PLAGL2: variants seen among roughly 807,000 people sequenced by gnomAD.
PLAGL2 encodes the protein zinc finger protein PLAGL2.
In PLAGL2, 7 loss-of-function variants were observed where a neutral mutation model predicts 29.0. The ratio of observed to expected loss-of-function variants is 0.24; its 90% CI spans 0.14 to 0.45. The LOEUF is 0.45. Among genes scored for constraint, PLAGL2 ranks in the 20% least tolerant of loss-of-function variants. PLAGL2 has a pLI of 0.99. For synonymous variants in PLAGL2, 234 were observed against 266.0 expected, an observed-to-expected ratio of 0.88 and a Z score of 1.17; for missense variants, 454 against 648.2, an observed-to-expected ratio of 0.70 and a Z score of 3.25.
chr20:32,197,405 G>A lies in PLAGL2; in HGVS notation c.538C>T (p.Arg180Cys), dbSNP rs1281936567. 2.5e-6 allele frequency: 4 copies of A among 1,611,982 alleles called. No individual in the cohort carries two copies. Among genetic ancestry groups the A allele is most frequent in the East Asian group, 2.2e-5 (1 of 44,884 alleles). Residue 180 changes from arginine (R) to cysteine (C), a missense_variant, in exon 3 of 3, where the codon CGC becomes TGC. By Grantham distance (180) the Arg-to-Cys change is radical (BLOSUM62 -3). This residue lies in a region of PLAGL2 where 111 missense variants were observed against 173.1 expected (regional missense o/e 0.64). Coordinates refer to ENST00000246229, the MANE Select transcript of PLAGL2 (RefSeq NM_002657.3). The surrounding 1 kb of genome is among the most constrained non-coding windows in gnomAD (Gnocchi z 6.6). The part of the protein sequence containing the change: ...ALLEHLKAHS[R>C]RVAGGAKEKK... ...TCCTTGGCACCGCCTGCTACCCGGC[G>A]TGAGTGGGCCTTCAGGTGCTCTAGC... is the stretch of plus-strand genomic sequence containing the variant.
At position 32,197,171 on chromosome 20, in the gene PLAGL2, C is replaced by T. The variant is rs761303342; in HGVS notation, c.772G>A (p.Gly258Ser). ...KIKTEPVDML[G>S]LLSCSSTVSV... ...ACTGTGGAGCTGCAGCTGAGTAGGC[C>T]TAACATGTCCACGGGCTCTGTCTTG... The change falls in exon 3 of 3, where the codon GGC (glycine) becomes AGC (serine). Residue 258 changes from glycine to serine, a missense_variant. By Grantham distance (56) the Gly-to-Ser change is moderately conservative. This residue lies in a region of PLAGL2 where 247 missense variants were observed against 350.3 expected (regional missense o/e 0.71). Coordinates refer to ENST00000246229, the MANE Select transcript of PLAGL2 (RefSeq NM_002657.3). This position sits in a 1 kb window ranked among gnomAD's most constrained non-coding sequence, Gnocchi z 6.6. The T allele has an allele frequency of 6.2e-7, 1 of 1,614,224 alleles. No homozygotes were observed. Among genetic ancestry groups the T allele is most frequent in the East Asian group, 2.2e-5 (1 of 44,884 alleles).
Position 32,196,987 on chromosome 20 carries a change from A to G in PLAGL2, c.956T>C (p.Leu319Pro), listed in dbSNP as rs1241964437. Residue 319 changes from leucine (L) to proline (P), a missense_variant, in exon 3 of 3, where the codon CTG becomes CCG. Coordinates refer to ENST00000246229, the MANE Select transcript of PLAGL2 (RefSeq NM_002657.3). ...CAGAGGGTAGCTCATACCCATGGGCAGCGTGTTGTGCACCAGGGAGTGTGG... is the reference window on the plus strand; with the variant it reads ...CAGAGGGTAGCTCATACCCATGGGCGGCGTGTTGTGCACCAGGGAGTGTGG... ...GVPHSLVHNT[L>P]PMGMSYPLES... The G allele has an allele frequency of 6.8e-6, 11 of 1,614,122 alleles. No individual in the cohort carries two copies. The African/African-American group carries it at 1.2e-4, about 18-fold the overall frequency.
At chr20:32,206,665 G>A (rs779317224) in intron 1 of PLAGL2, among the ~76,000 whole-genome samples, 3 of 152,222 alleles carry the variant, frequency 2.0e-5, no homozygotes, top group Non-Finnish European at 4.4e-5. Context: ...TAAGCTTGCA[G>A]GTGAAAGCAC....
At chr20:32,204,693 T>A (rs1028208211) in intron 1 of PLAGL2, among the ~76,000 whole-genome samples, 7 of 152,202 alleles carry the variant, frequency 4.6e-5, no homozygotes, top group African/African-American at 1.4e-4. Flanking sequence ...GCCCTTTGTC[T>A]GAAAACTCCT....
intron 2 of PLAGL2, among the ~76,000 whole-genome samples, chr20:32,198,665 G>C (rs1425332759): frequency 2.0e-5 from 3 of 152,108 alleles, no homozygotes; most frequent in Admixed American, 6.5e-5. Context: ...TCCTTATCTA[G>C]AACAAATTTC....
At position 32,197,008 on chromosome 20, in the gene PLAGL2, T is replaced by A; in HGVS notation, c.935A>T (p.His312Leu). ...IPTMPSTGVPHSLVHNTLPMG... is the reference protein window; with the variant it reads ...IPTMPSTGVPLSLVHNTLPMG... ...GGGCAGCGTGTTGTGCACCAGGGAG[T>A]GTGGCACGCCCGTGCTGGGCATGGT... is the stretch of plus-strand genomic sequence containing the variant. Residue 312 changes from histidine to leucine, a missense_variant, in exon 3 of 3, where the codon CAC (histidine) becomes CTC (leucine). His to Leu is a moderately conservative substitution (Grantham distance 99). Coordinates refer to ENST00000246229, the MANE Select transcript of PLAGL2 (RefSeq NM_002657.3). This position sits in a 1 kb window ranked among gnomAD's most constrained non-coding sequence, Gnocchi z 6.6. The A allele has an allele frequency of 6.2e-7, 1 of 1,613,882 alleles. No individual in the cohort carries two copies. The highest frequency in any genetic ancestry group is 8.5e-7 in the Non-Finnish European group (1 of 1,179,944).
At chr20:32,204,314 G>A (rs192114597) in intron 1 of PLAGL2, among the ~76,000 whole-genome samples, 19 of 152,280 alleles carry the variant, frequency 1.2e-4, no homozygotes, top group Non-Finnish European at 2.6e-4. Context: ...AACTCAGAAA[G>A]AGAACATTAC....
rs1203137534 is a variant in PLAGL2 at position 32,193,372 on chromosome 20, T to C, written c.*3080A>G. 1 of 152,168 alleles carries C rather than the reference T, an allele frequency of 6.6e-6. No homozygotes were observed. Among genetic ancestry groups the C allele is most frequent in the African/African-American group, 2.4e-5 (1 of 41,436 alleles). 9.4% of individuals were successfully genotyped at this position (152,168 alleles called of 1,614,324 possible). A position where few individuals can be genotyped will look rare whatever the true frequency, so the allele number is the denominator to read the frequency against. ...GATTTTCAATTAAGAAAATGCCATT[T>C]GTAAAAGGTTGGGCGGTGGGCTGGA... On this transcript the variant is annotated 3_prime_UTR_variant, in exon 3 of 3. Coordinates refer to ENST00000246229, the MANE Select transcript of PLAGL2 (RefSeq NM_002657.3).
Position 32,197,298 on chromosome 20 carries a change from G to A in PLAGL2, c.645C>T (p.Gly215=), listed in dbSNP as rs763214804. 16 of 1,610,174 alleles carry A rather than the reference G, an allele frequency of 9.9e-6. No individual in the cohort carries two copies. The South Asian group carries it at 1.7e-4, about 17-fold the overall frequency. The part of the protein sequence containing the change: ...DVRRHLVVHT[G]RKDFLCQYCA... The stretch of plus-strand genomic sequence containing the variant: ...AGTACTGGCACAGGAAGTCCTTACG[G>A]CCTGTGTGCACCACTAGGTGCCGCC... Residue 215 remains glycine (G), a synonymous_variant, in exon 3 of 3, where the codon GGC becomes GGT. Coordinates refer to ENST00000246229, the MANE Select transcript of PLAGL2 (RefSeq NM_002657.3). This position sits in a 1 kb window ranked among gnomAD's most constrained non-coding sequence, Gnocchi z 6.6.
rs1193297526 is a variant in PLAGL2 at position 32,196,335 on chromosome 20, A to AT, written c.*116dup. On this transcript the variant is annotated 3_prime_UTR_variant, in exon 3 of 3. Coordinates refer to ENST00000246229, the MANE Select transcript of PLAGL2 (RefSeq NM_002657.3). ...AGTGCTCCTGTATACAGACACTGGAATTTTTTTTTTTGAACCCAGCTCTGA... is the reference window on the plus strand; with the variant it reads ...AGTGCTCCTGTATACAGACACTGGAATTTTTTTTTTTTGAACCCAGCTCTGA... 12,305 of 583,724 alleles carry AT rather than the reference A, an allele frequency of 0.021. 3 individuals carry two copies. The highest frequency in any genetic ancestry group is 0.023 in the Non-Finnish European group (8,958 of 387,912). The allele number at this position is 583,724 out of a possible 1,614,324, so 36.2% of individuals were successfully genotyped here.
At position 32,196,662 on chromosome 20, in the gene PLAGL2, C is replaced by T. The variant is rs1178349106; in HGVS notation, c.1281G>A (p.Pro427=). The T allele has an allele frequency of 5.2e-6, 8 of 1,540,282 alleles. No homozygotes were observed. Among genetic ancestry groups the T allele is most frequent in the East Asian group, 4.5e-5 (2 of 44,338 alleles). Residue 427 remains proline, a synonymous_variant, in exon 3 of 3, where the codon CCG becomes CCA. Transcript: ENST00000246229. ...LLGFLPLNLP[P]CNPPGATGGL... ...CTCCTGTGGCCCCAGGTGGGTTACACGGGGGCAGGTTGAGTGGAAGAAAGC... is the reference window on the plus strand; with the variant it reads ...CTCCTGTGGCCCCAGGTGGGTTACATGGGGGCAGGTTGAGTGGAAGAAAGC...
rs2047238699 is a variant in PLAGL2, at chr20:32,197,888, C to T, written c.261-206G>A. Reference sequence around the variant, plus strand: ...TGTACCGACATTCTTTGCAGCATTGCTTGTAGTAGCAAAAAAAATCAGAAA... The same window carrying T: ...TGTACCGACATTCTTTGCAGCATTGTTTGTAGTAGCAAAAAAAATCAGAAA... On this transcript the variant is annotated intron_variant, in intron 2 of 2. Transcript: ENST00000246229. The surrounding 1 kb of genome is among the most constrained non-coding windows in gnomAD (Gnocchi z 6.6). 6.6e-6 allele frequency among the ~76,000 whole-genome samples: 1 copy of T among 152,162 alleles called. No homozygotes were observed. The highest frequency in any genetic ancestry group is 1.5e-5 in the Non-Finnish European group (1 of 68,032).
Position 32,197,590 on chromosome 20 carries a change from TGCAGATGGTTCC to T in PLAGL2, c.341_352del (p.Arg114_Leu117del). The T allele has an allele frequency of 6.2e-7, 1 of 1,614,212 alleles. No individual in the cohort carries two copies. The highest frequency in any genetic ancestry group is 8.5e-7 in the Non-Finnish European group (1 of 1,180,010). ...GGCCTCTTTGTTAGGATCATGGGTC[TGCAGATGGTTCC>T]GCAGATGGTCCTTGCGGTGAAACAT... On this transcript the variant is annotated inframe_deletion, in exon 3 of 3. Coordinates refer to ENST00000246229, the MANE Select transcript of PLAGL2 (RefSeq NM_002657.3). This position sits in a 1 kb window ranked among gnomAD's most constrained non-coding sequence, Gnocchi z 6.6.
At chr20:32,201,640 G>T (rs2047260035) in intron 2 of PLAGL2, among the ~76,000 whole-genome samples, 1 of 152,212 alleles carries the variant, frequency 6.6e-6, no homozygotes, top group Non-Finnish European at 1.5e-5. Flanking sequence ...TTGGCACCCA[G>T]ATCGTCACTA....
intron 2 of PLAGL2, among the ~76,000 whole-genome samples, chr20:32,199,281 T>C (rs1335012011): frequency 2.0e-5 from 3 of 152,158 alleles, no homozygotes; most frequent in Non-Finnish European, 4.4e-5. Flanking sequence ...ATCCCACATA[T>C]GCATGCTCAA....
At chr20:32,204,217 G>C (rs2047274304) in intron 1 of PLAGL2, among the ~76,000 whole-genome samples, 2 of 152,122 alleles carry the variant, frequency 1.3e-5, no homozygotes, top group Admixed American at 6.5e-5. Context: ...TCAGCCTCTG[G>C]AAAGTTGGGA....
rs893222322 is a variant in PLAGL2, at chr20:32,197,885, T to A, written c.261-203A>T. ...ATGTGTACCGACATTCTTTGCAGCA[T>A]TGCTTGTAGTAGCAAAAAAAATCAG... On this transcript the variant is annotated intron_variant, in intron 2 of 2. Coordinates refer to ENST00000246229, the MANE Select transcript of PLAGL2 (RefSeq NM_002657.3). This position sits in a 1 kb window ranked among gnomAD's most constrained non-coding sequence, Gnocchi z 6.6. 2.6e-5 allele frequency among the ~76,000 whole-genome samples: 4 copies of A among 152,222 alleles called. No individual in the cohort carries two copies. Among genetic ancestry groups the A allele is most frequent in the Non-Finnish European group, 5.9e-5 (4 of 68,038 alleles).
Position 32,197,607 on chromosome 20 carries a change from A to G in PLAGL2, c.336T>C (p.His112=). Residue 112 remains histidine, a synonymous_variant, in exon 3 of 3, where the codon CAT becomes CAC. Transcript: ENST00000246229. This position sits in a 1 kb window ranked among gnomAD's most constrained non-coding sequence, Gnocchi z 6.6. ...CATGGGTCTGCAGATGGTTCCGCAG[A>G]TGGTCCTTGCGGTGAAACATCTTAT... ...YCDKMFHRKD[H]LRNHLQTHDP... is the part of the protein sequence containing the mutation. 6.2e-7 allele frequency: 1 copy of G among 1,614,130 alleles called. No homozygotes were observed. The highest frequency in any genetic ancestry group is 8.5e-7 in the Non-Finnish European group (1 of 1,179,982).
chr20:32,201,371 G>A lies in PLAGL2; in HGVS notation c.260+548C>T, dbSNP rs550415304. Among the ~76,000 whole-genome samples the A allele has an allele frequency of 2.6e-4, 39 of 152,126 alleles. 1 individual carries two copies. Among genetic ancestry groups the A allele is most frequent in the South Asian group, 4.1e-4 (2 of 4,828 alleles). On this transcript the variant is annotated intron_variant, in intron 2 of 2. Coordinates refer to ENST00000246229, the MANE Select transcript of PLAGL2 (RefSeq NM_002657.3). ...AAGCCAAGGCAGGAGGATCACTTGA[G>A]CCCAGGAGTTTGAAACCAGCCTGGG...
Sources: gnomAD v4.1 joint callset for allele counts (sites outside exome capture counted in the v4.1 genomes callset) on GRCh38, gnomAD v4.1.1 for gene constraint, gnomAD v4.1.1 regional missense constraint, Gnocchi (gnomAD v3.1) non-coding constraint, MANE v1.5 for transcripts, NCBI Gene and HGNC (gene_info 2026-07-23, HGNC 2026-07-21) for gene names.